Variants in SCPEP1 observed in about 807,000 individuals in gnomAD.
SCPEP1 encodes the protein serine carboxypeptidase 1.
A neutral mutation model predicts 63.8 loss-of-function variants in SCPEP1; 51 were observed. The ratio of observed to expected loss-of-function variants is 0.80; its 90% CI spans 0.64 to 1.01. The LOEUF is 1.01. Ranked by LOEUF, SCPEP1 falls within the 50% of genes least tolerant of loss-of-function variation. The pLI is 0.00. For synonymous variants in SCPEP1, 204 were observed against 207.8 expected, an observed-to-expected ratio of 0.98 and a Z score of 0.16; for missense variants, 499 against 554.9, an observed-to-expected ratio of 0.90 and a Z score of 1.01.
intron 3 of SCPEP1, among the ~76,000 whole-genome samples, chr17:56,986,306 G>C (rs1022615061): frequency 6.6e-6 from 1 of 150,976 alleles, no homozygotes; most frequent in African/African-American, 2.4e-5. Context: ...TGCAACCTCT[G>C]CCTCCTGGAT....
rs750744755 is a variant in SCPEP1, at chr17:56,978,206, T to C, written c.47T>C (p.Leu16Pro). The change falls in exon 1 of 13, where the codon CTG becomes CCG. Residue 16 changes from leucine to proline, a missense_variant. Transcript: ENST00000262288. ...RRSPVPRWLL[L>P]LPLLLGLNAG... Reference sequence around the variant, plus strand: ...TCTCCCGTCCCGCGGTGGTTGCTGCTGCTGCCGCTGCTGCTGGGCCTGAAC... The same window carrying C: ...TCTCCCGTCCCGCGGTGGTTGCTGCCGCTGCCGCTGCTGCTGGGCCTGAAC... 3 of 1,559,116 alleles carry C rather than the reference T, an allele frequency of 1.9e-6. No homozygotes were observed. The highest frequency in any genetic ancestry group is 1.4e-5 in the African/African-American group (1 of 73,638).
chr17:56,996,879 A>G, intron 8 of SCPEP1, 83 bp from the exon 9 acceptor site: 1 of 827,904 alleles, frequency 1.2e-6, no homozygotes, highest in Non-Finnish European at 1.9e-6. Flanking sequence ...CTTGGATAAG[A>G]TAAAGAGCCA....
Position 56,991,189 on chromosome 17 carries a change from A to G in SCPEP1, c.619+18A>G. On this transcript the variant is annotated intron_variant, in intron 6 of 12. Transcript: ENST00000262288. ...CCCTGTTGGTAAGTGTGGCATTTTC[A>G]GGCATTTTTTCACTCCCCTTTTGCC... 2 of 1,607,070 alleles carry G rather than the reference A, an allele frequency of 1.2e-6. No homozygotes were observed. Among genetic ancestry groups the G allele is most frequent in the Non-Finnish European group, 1.7e-6 (2 of 1,173,612 alleles).
intron 2 of SCPEP1, chr17:56,983,051 C>T (rs1567863436): frequency 6.6e-6 from 1 of 152,166 alleles, no homozygotes; most frequent in Non-Finnish European, 1.5e-5. Context: ...GGGACACTTT[C>T]AAGTCTTCGA....
rs1433743061 is a variant in SCPEP1, at chr17:56,987,742, G to C, written c.363G>C (p.Gly121=). 6.2e-7 allele frequency: 1 copy of C among 1,613,950 alleles called. No individual in the cohort carries two copies. The highest frequency in any genetic ancestry group is 1.3e-5 in the African/African-American group (1 of 74,880). Reference sequence around the variant, plus strand: ...TTGTGGATAATCCCGTGGGCACTGGGTTCAGTTATGTGAATGGTAGTGGTG... The same window carrying C: ...TTGTGGATAATCCCGTGGGCACTGGCTTCAGTTATGTGAATGGTAGTGGTG... ...LLFVDNPVGT[G]FSYVNGSGAY... is the part of the protein sequence containing the mutation. Residue 121 remains glycine, a synonymous_variant, in exon 4 of 13, where the codon GGG becomes GGC. Coordinates refer to ENST00000262288, the MANE Select transcript of SCPEP1 (RefSeq NM_021626.3).
At chr17:56,986,781 G>A (rs1029054512) in intron 3 of SCPEP1, among the ~76,000 whole-genome samples, 2 of 151,796 alleles carry the variant, frequency 1.3e-5, no homozygotes, top group African/African-American at 2.4e-5. Context: ...TCCTGACCTC[G>A]TGATCCTCCC....
At chr17:56,997,121 T>TAAAAAA in intron 9 of SCPEP1, 66 bp downstream of exon 9, 1 of 726,702 alleles carries the variant, frequency 1.4e-6, no homozygotes, top group Non-Finnish European at 2.1e-6. Flanking sequence ...ACCTGTTTAT[T>TAAAAAA]AAAAAAAAAA....
At chr17:56,987,978 A>G in intron 4 of SCPEP1, 128 bp downstream of exon 4, 2 of 1,090,730 alleles carry the variant, frequency 1.8e-6, no homozygotes, top group Non-Finnish European at 2.6e-6. Flanking sequence ...TTTAATTCCC[A>G]AGATTGGGTT....
chr17:56,980,977 A>G (rs1911051432), intron 1 of SCPEP1, 105 bp from the exon 2 acceptor site: 2 of 1,350,278 alleles, frequency 1.5e-6, no homozygotes, highest in Middle Eastern at 2.2e-4. Context: ...TTACCAAACT[A>G]TAAAACAAAT....
Position 57,001,096 on chromosome 17 carries a change from C to A in SCPEP1, c.1132+104C>A. 3 of 1,234,736 alleles carry A rather than the reference C, an allele frequency of 2.4e-6. No homozygotes were observed. The South Asian group carries it at 3.8e-5, about 16-fold the overall frequency. 76.5% of individuals were successfully genotyped at this position (1,234,736 alleles called of 1,614,324 possible). On this transcript the variant is annotated intron_variant, in intron 11 of 12. Coordinates refer to ENST00000262288, the MANE Select transcript of SCPEP1 (RefSeq NM_021626.3). ...TCTTGCGGTGGGTGATGTTGAAATG[C>A]CAGGTGGAAGGCCATTTCCCATTAC...
intron 8 of SCPEP1, among the ~76,000 whole-genome samples, 184 bp from the exon 9 acceptor site, chr17:56,996,778 C>T (rs530810372): frequency 3.9e-5 from 6 of 152,200 alleles, no homozygotes; most frequent in South Asian, 2.1e-4. Flanking sequence ...CTCAGCCTCC[C>T]GAAGTGCTGG....
intron 5 of SCPEP1, 63 bp downstream of exon 5, chr17:56,988,353 T>C (rs1435433639): frequency 4.9e-6 from 6 of 1,235,210 alleles, no homozygotes; most frequent in Non-Finnish European, 7.1e-6. Context: ...TACTTTTATG[T>C]ACTCACGTGC....
In SCPEP1 at chr17:56,987,823, C is replaced by G; in HGVS notation, c.444C>G (p.Thr148=). The change falls in exon 4 of 13, where the codon ACC becomes ACG. Residue 148 remains threonine, a synonymous_variant. Coordinates refer to ENST00000262288, the MANE Select transcript of SCPEP1 (RefSeq NM_021626.3). ...CAGACATGATGGTTCTCCTGAAGAC[C>G]TTCTTCAGTTGCCACAAAGAATTCC... ...VASDMMVLLK[T]FFSCHKEFQT... is the part of the protein sequence containing the mutation. 1 of 1,614,058 alleles carries G rather than the reference C, an allele frequency of 6.2e-7. No homozygotes were observed. Among genetic ancestry groups the G allele is most frequent in the Non-Finnish European group, 8.5e-7 (1 of 1,179,972 alleles).
intron 6 of SCPEP1, among the ~76,000 whole-genome samples, chr17:56,992,050 G>A (rs899620698): frequency 2.0e-5 from 3 of 152,202 alleles, no homozygotes; most frequent in Non-Finnish European, 4.4e-5. Context: ...GAAATAAGCA[G>A]GAAAGGTACA....
chr17:56,999,558 C>G (rs1911677910), intron 10 of SCPEP1, among the ~76,000 whole-genome samples: 1 of 152,180 alleles, frequency 6.6e-6, no homozygotes, highest in Non-Finnish European at 1.5e-5. Flanking sequence ...CTGCTGGGAG[C>G]TTTCTCAGGG....
At chr17:56,999,447 A>C (rs999603862) in intron 10 of SCPEP1, among the ~76,000 whole-genome samples, 5 of 152,088 alleles carry the variant, frequency 3.3e-5, no homozygotes, top group Non-Finnish European at 7.4e-5. Context: ...AAGGGAAAAT[A>C]CTCCAAACCT....
chr17:56,981,137 G>T lies in SCPEP1; in HGVS notation c.132G>T (p.Thr44=), dbSNP rs781701033. ...EEGKEVWDYV[T]VRKDAYMFWW... is the part of the protein sequence containing the mutation. ...GCAAGGAAGTATGGGATTATGTGAC[G>T]GTCCGCAAGGATGCCTACATGTTCT... Residue 44 remains threonine, a synonymous_variant, in exon 2 of 13, where the codon ACG becomes ACT. Transcript: ENST00000262288. 4.3e-6 allele frequency: 7 copies of T among 1,614,144 alleles called. No homozygotes were observed. The South Asian group carries it at 7.7e-5, about 18-fold the overall frequency.
At position 56,991,181 on chromosome 17, in the gene SCPEP1, G is replaced by A. The variant is rs776925773; in HGVS notation, c.619+10G>A. ...TGGATCTCCCCTGTTGGTAAGTGTG[G>A]CATTTTCAGGCATTTTTTCACTCCC... On this transcript the variant is annotated intron_variant, in intron 6 of 12. Transcript: ENST00000262288. The A allele has an allele frequency of 1.9e-5, 31 of 1,607,064 alleles. No individual in the cohort carries two copies. In the South Asian group the frequency reaches 3.0e-4, roughly 15 times the overall value.
chr17:56,983,319 C>T (rs1911120724), intron 2 of SCPEP1: 1 of 152,178 alleles, frequency 6.6e-6, no homozygotes, highest in East Asian at 1.9e-4. Flanking sequence ...TGAGATTTCT[C>T]CCACAAAGAC....
Sources: gnomAD v4.1 joint callset for allele counts (sites outside exome capture counted in the v4.1 genomes callset) on GRCh38, gnomAD v4.1.1 for gene constraint, MANE v1.5 for transcripts, NCBI Gene and HGNC (gene_info 2026-07-23, HGNC 2026-07-21) for gene names.